The following FAT3 variants were observed in gnomAD, a reference collection of about 807,000 sequenced individuals.
FAT3 encodes FAT atypical cadherin 3.
Under a neutral mutation model 310.2 loss-of-function variants are expected in FAT3, and 95 were observed. The observed-to-expected ratio is 0.31, with a 90% CI of 0.26 to 0.36. The LOEUF (loss-of-function observed/expected upper bound fraction) is 0.36, where lower values mean the gene tolerates loss of function less well. Ranked by LOEUF, FAT3 falls within the 10% of genes least tolerant of loss-of-function variation. FAT3 has a pLI of 1.00. For synonymous variants in FAT3, 2,314 were observed against 2,192.9 expected, an observed-to-expected ratio of 1.06 and a Z score of -1.54; for missense variants, 5,408 against 5,715.6, an observed-to-expected ratio of 0.95 and a Z score of 1.74.
chr11:92,681,333 A>G (rs916496954), intron 3 of FAT3, among the ~76,000 whole-genome samples: 5 of 152,212 alleles, frequency 3.3e-5, no homozygotes, highest in African/African-American at 1.2e-4. Flanking sequence ...TTGGGAGGTG[A>G]CATTTGAACT....
At chr11:92,468,462 T>A (rs572842986) in intron 2 of FAT3, among the ~76,000 whole-genome samples, 1 of 152,324 alleles carries the variant, frequency 6.6e-6, no homozygotes, top group Non-Finnish European at 1.5e-5. Flanking sequence ...GCTTTTAGTA[T>A]ATTTTAAAGC....
chr11:92,589,574 T>C (rs1162915923), intron 3 of FAT3, among the ~76,000 whole-genome samples: 1 of 152,118 alleles, frequency 6.6e-6, no homozygotes, highest in Non-Finnish European at 1.5e-5. Flanking sequence ...TGCTGCTTAC[T>C]TAAGCCTGAG....
At chr11:92,677,444 A>G (rs1943323702) in intron 3 of FAT3, among the ~76,000 whole-genome samples, 1 of 152,192 alleles carries the variant, frequency 6.6e-6, no homozygotes, top group South Asian at 2.1e-4. Flanking sequence ...AGATATTTTA[A>G]CCTTCACACT....
chr11:92,534,436 A>G (rs1954181177), intron 3 of FAT3, among the ~76,000 whole-genome samples: 1 of 152,196 alleles, frequency 6.6e-6, no homozygotes, highest in Non-Finnish European at 1.5e-5. Flanking sequence ...CTAAATAAAT[A>G]ATTAATGATC....
intron 1 of FAT3, among the ~76,000 whole-genome samples, chr11:92,324,148 CT>C (rs1347499691): frequency 6.6e-6 from 1 of 152,154 alleles, no homozygotes; most frequent in Non-Finnish European, 1.5e-5. Context: ...CCACTAAAAC[CT>C]TTTCCATATC....
At chr11:92,617,646 G>A (rs1346903043) in intron 3 of FAT3, among the ~76,000 whole-genome samples, 1 of 152,116 alleles carries the variant, frequency 6.6e-6, no homozygotes, top group Non-Finnish European at 1.5e-5. Flanking sequence ...TGATGGTGAC[G>A]TACAGATGGG....
rs577006463 is a variant in FAT3, at chr11:92,462,331, C to T, written c.3293-62303C>T. ...ATCCTCACTCTCCTCCCACCCTCCA[C>T]CCTTGAGTATGTCCTGGTATCTATC... On this transcript the variant is annotated intron_variant, in intron 2 of 27. Coordinates refer to ENST00000525166, the MANE Select transcript of FAT3 (RefSeq NM_001367949.2). Among the ~76,000 whole-genome samples, 27 of 152,204 alleles carry T rather than the reference C, an allele frequency of 1.8e-4. 1 individual carries two copies. The South Asian group carries it at 5.6e-3, about 32-fold the overall frequency.
chr11:92,644,730 T>G (rs1591556754), intron 3 of FAT3, among the ~76,000 whole-genome samples: 1 of 152,234 alleles, frequency 6.6e-6, no homozygotes, highest in Non-Finnish European at 1.5e-5. Context: ...CACTGCTGCC[T>G]TTTCATAGCT....
intron 1 of FAT3, among the ~76,000 whole-genome samples, chr11:92,323,327 C>A (rs1486117529): frequency 2.6e-5 from 4 of 152,082 alleles, no homozygotes; most frequent in African/African-American, 4.8e-5. Flanking sequence ...TGGCTCACTG[C>A]AGCCTCCGCC....
At chr11:92,377,172 G>C (rs1008937074) in intron 2 of FAT3, among the ~76,000 whole-genome samples, 1 of 152,176 alleles carries the variant, frequency 6.6e-6, no homozygotes, top group Non-Finnish European at 1.5e-5. Flanking sequence ...ACCATAAGCT[G>C]TAGTTTCACA....
chr11:92,815,028 A>C (rs1041484200), intron 13 of FAT3, among the ~76,000 whole-genome samples: 1 of 152,174 alleles, frequency 6.6e-6, no homozygotes, highest in African/African-American at 2.4e-5. Context: ...GGAGAGATTA[A>C]TGAGATAGGA....
intron 11 of FAT3, among the ~76,000 whole-genome samples, 167 bp downstream of exon 11, chr11:92,805,516 GAA>G (rs2061034291): frequency 6.6e-6 from 1 of 150,530 alleles, no homozygotes. Flanking sequence ...TTGAAAACAT[GAA>G]AAGAGTATAG....
At chr11:92,389,341 C>T (rs184467331) in intron 2 of FAT3, among the ~76,000 whole-genome samples, 5 of 152,274 alleles carry the variant, frequency 3.3e-5, no homozygotes, top group East Asian at 3.9e-4. Flanking sequence ...TTGCCCATAA[C>T]GGACCTAACA....
rs1943147568 is a variant in FAT3 at position 92,672,080 on chromosome 11, C to CT, written c.3608-25303dup. 3.3e-5 allele frequency among the ~76,000 whole-genome samples: 5 copies of CT among 152,280 alleles called. 1 individual carries two copies. In the South Asian group the frequency reaches 1.0e-3, roughly 32 times the overall value. On this transcript the variant is annotated intron_variant, in intron 3 of 27. Coordinates refer to ENST00000525166, the MANE Select transcript of FAT3 (RefSeq NM_001367949.2). ...GTTGCATTGAGCCAAGATCATGCCA[C>CT]TGCACTACAGCCTGGGCAACAAAAG...
intron 1 of FAT3, among the ~76,000 whole-genome samples, chr11:92,244,949 T>C (rs1383286806): frequency 1.3e-5 from 2 of 152,100 alleles, no homozygotes; most frequent in Non-Finnish European, 2.9e-5. Context: ...CTCAAGGATC[T>C]AGAACTAGAA....
chr11:92,459,722 A>C (rs1951587826), intron 2 of FAT3, among the ~76,000 whole-genome samples: 1 of 152,168 alleles, frequency 6.6e-6, no homozygotes, highest in Admixed American at 6.5e-5. Context: ...CAAATGCCTC[A>C]ATTGCTTAAT....
At chr11:92,703,541 C>T (rs1298934736) in intron 4 of FAT3, among the ~76,000 whole-genome samples, 1 of 152,232 alleles carries the variant, frequency 6.6e-6, no homozygotes, top group Non-Finnish European at 1.5e-5. Context: ...ATGACACCTT[C>T]TGTGCTCCAG....
chr11:92,428,784 T>A (rs1950697710), intron 2 of FAT3, among the ~76,000 whole-genome samples: 1 of 151,968 alleles, frequency 6.6e-6, no homozygotes, highest in Non-Finnish European at 1.5e-5. Context: ...TGCCGAGGAG[T>A]GTTGTACTTC....
chr11:92,799,827 A>T lies in FAT3; in HGVS notation c.6814A>T (p.Thr2272Ser). The change falls in exon 10 of 28, where the codon ACT (threonine) becomes TCT (serine). Residue 2272 changes from threonine (T) to serine (S), a missense_variant. Coordinates refer to ENST00000525166, the MANE Select transcript of FAT3 (RefSeq NM_001367949.2). ...CCTTACTGGTGCTAGGGCTGAAGTCACTGTTGACTTGCTAGTTAATGATGT... is the reference window on the plus strand; with the variant it reads ...CCTTACTGGTGCTAGGGCTGAAGTCTCTGTTGACTTGCTAGTTAATGATGT... ...DALTGARAEVTVDLLVNDVND... is the reference protein window; with the variant it reads ...DALTGARAEVSVDLLVNDVND... The T allele has an allele frequency of 6.2e-7, 1 of 1,613,394 alleles. No individual in the cohort carries two copies. The highest frequency in any genetic ancestry group is 1.1e-5 in the South Asian group (1 of 90,910).
Sources: gnomAD v4.1 joint callset for allele counts (sites outside exome capture counted in the v4.1 genomes callset) on GRCh38, gnomAD v4.1.1 for gene constraint, MANE v1.5 for transcripts, NCBI Gene and HGNC (gene_info 2026-07-23, HGNC 2026-07-21) for gene names.